Variants in PHLDB2 observed in about 807,000 individuals in gnomAD.
PHLDB2 encodes the protein pleckstrin homology-like domain family B member 2.
Under a neutral mutation model 123.6 loss-of-function variants are expected in PHLDB2, and 71 were observed. The ratio of observed to expected loss-of-function variants is 0.57; its 90% CI spans 0.47 to 0.70. PHLDB2 has a LOEUF of 0.70. Ranked by LOEUF, PHLDB2 falls within the 30% of genes least tolerant of loss-of-function variation. PHLDB2 has a pLI of 0.00. For synonymous variants in PHLDB2, 547 were observed against 541.6 expected (o/e 1.01, Z -0.14); for missense variants, 1,446 against 1,519.5 (o/e 0.95, Z 0.80).
At chr3:111,762,636 C>A (rs1423910763) in intron 1 of PHLDB2, among the ~76,000 whole-genome samples, 1 of 152,222 alleles carries the variant, frequency 6.6e-6, no homozygotes, top group Admixed American at 6.5e-5. Flanking sequence ...GGTATTATTT[C>A]TTCAAGCCCT....
In PHLDB2 at chr3:111,823,093, A is replaced by C. The variant is rs1358532668; in HGVS notation, c.-48-22728A>C. Reference sequence around the variant, plus strand: ...CATAGTACCACCAAGGTGATGCTGGAGTACTCAACCAGGACAGCTTCCAAG... The same window carrying C: ...CATAGTACCACCAAGGTGATGCTGGCGTACTCAACCAGGACAGCTTCCAAG... On this transcript the variant is annotated intron_variant, in intron 1 of 17. Coordinates refer to the PHLDB2 transcript ENST00000393923. 3.3e-5 allele frequency among the ~76,000 whole-genome samples: 5 copies of C among 152,352 alleles called. No individual in the cohort carries two copies. In the East Asian group the frequency reaches 9.7e-4, roughly 29 times the overall value.
At chr3:111,918,125 C>G (rs975972034) in intron 3 of PHLDB2, among the ~76,000 whole-genome samples, 1 of 152,140 alleles carries the variant, frequency 6.6e-6, no homozygotes, top group Admixed American at 6.5e-5. Flanking sequence ...ACCAGAAATT[C>G]TAGAAAGAAG....
chr3:111,888,591 G>C (rs1419263668), intron 2 of PHLDB2, among the ~76,000 whole-genome samples: 1 of 152,156 alleles, frequency 6.6e-6, no homozygotes, highest in Non-Finnish European at 1.5e-5. Context: ...AGCTCAGGAA[G>C]TTACACTTGT....
chr3:111,883,069 T>A (rs1282450831), intron 1 of PHLDB2, among the ~76,000 whole-genome samples: 1 of 152,340 alleles, frequency 6.6e-6, no homozygotes, highest in East Asian at 1.9e-4. Context: ...TAGTGGTTCA[T>A]GAGTTCAGTG....
Position 111,821,052 on chromosome 3 carries a change from T to C in PHLDB2, c.-48-24769T>C, listed in dbSNP as rs540174972. On this transcript the variant is annotated intron_variant, in intron 1 of 17. Coordinates refer to the PHLDB2 transcript ENST00000393923. ...CTGAAGTTCTCCTCTCCTGGAGACTTCAGGAAAAGTCTCCTTTTAGGTCTT... is the reference window on the plus strand; with the variant it reads ...CTGAAGTTCTCCTCTCCTGGAGACTCCAGGAAAAGTCTCCTTTTAGGTCTT... Among the ~76,000 whole-genome samples the C allele has an allele frequency of 2.0e-5, 3 of 152,302 alleles. No homozygotes were observed. The East Asian group carries it at 5.8e-4, about 29-fold the overall frequency.
chr3:111,951,149 T>A (rs2070689754), intron 10 of PHLDB2, among the ~76,000 whole-genome samples: 1 of 152,210 alleles, frequency 6.6e-6, no homozygotes, highest in South Asian at 2.1e-4. Flanking sequence ...CATTTTACTA[T>A]CTACAAGGAG....
chr3:111,849,747 TATCAACTA>T (rs2064167255), intron 2 of PHLDB2, among the ~76,000 whole-genome samples: 1 of 152,184 alleles, frequency 6.6e-6, no homozygotes, highest in Non-Finnish European at 1.5e-5. Flanking sequence ...CCTAAGTGCC[TATCAACTA>T]ATGAGTGAAT....
intron 2 of PHLDB2, among the ~76,000 whole-genome samples, chr3:111,849,368 G>C (rs1353768036): frequency 6.6e-6 from 1 of 152,016 alleles, no homozygotes; most frequent in Non-Finnish European, 1.5e-5. Context: ...AAGGGGTTTT[G>C]CTATGTTGTC....
intron 15 of PHLDB2, among the ~76,000 whole-genome samples, chr3:111,968,710 A>G (rs1559928267): frequency 6.6e-6 from 1 of 152,224 alleles, no homozygotes; most frequent in Non-Finnish European, 1.5e-5. Context: ...CATCTGTTAC[A>G]ACCAAAGTAC....
chr3:111,940,006 A>G (rs754349959), intron 7 of PHLDB2, among the ~76,000 whole-genome samples: 12 of 152,154 alleles, frequency 7.9e-5, no homozygotes, highest in Non-Finnish European at 1.8e-4. Context: ...ACTGGCTGAT[A>G]GCTTATTACC....
At chr3:111,826,132 T>A (rs2062642766) in intron 1 of PHLDB2, among the ~76,000 whole-genome samples, 1 of 151,792 alleles carries the variant, frequency 6.6e-6, no homozygotes, top group Admixed American at 6.6e-5. Context: ...TGAAACCCCA[T>A]CTCTACTAAA....
upstream of PHLDB2, chr3:111,859,056 T>TA: frequency 4.8e-6 from 2 of 415,064 alleles, no homozygotes; most frequent in Non-Finnish European, 6.5e-6. Flanking sequence ...ACCCCAGTCC[T>TA]TAGCTCAGGC....
intron 1 of PHLDB2, among the ~76,000 whole-genome samples, chr3:111,860,469 G>T (rs1576917650): frequency 6.6e-6 from 1 of 152,206 alleles, no homozygotes; most frequent in Admixed American, 6.5e-5. Context: ...CGGCGGAGGC[G>T]CAGCTGAATC....
At chr3:111,963,586 G>A (rs984264940) in intron 13 of PHLDB2, among the ~76,000 whole-genome samples, 1 of 152,082 alleles carries the variant, frequency 6.6e-6, no homozygotes, top group Non-Finnish European at 1.5e-5. Context: ...TAACTTTCTG[G>A]TAGTCATAAA....
At chr3:111,802,287 A>C (rs2061407602) in intron 1 of PHLDB2, among the ~76,000 whole-genome samples, 1 of 152,240 alleles carries the variant, frequency 6.6e-6, no homozygotes, top group Admixed American at 6.5e-5. Context: ...TGGTGGCTGC[A>C]TTCTGCCTCC....
intron 1 of PHLDB2, among the ~76,000 whole-genome samples, chr3:111,824,193 C>T (rs1457953757): frequency 6.6e-6 from 1 of 152,180 alleles, no homozygotes; most frequent in Non-Finnish European, 1.5e-5. Context: ...TCTCTGTCTT[C>T]TCCCTATAAA....
rs1382927740 is a variant in PHLDB2 at position 111,884,755 on chromosome 3, C to T, written c.678C>T (p.His226=). 6.2e-7 allele frequency: 1 copy of T among 1,613,962 alleles called. No homozygotes were observed. The highest frequency in any genetic ancestry group is 8.5e-7 in the Non-Finnish European group (1 of 1,180,030). The change falls in exon 2 of 18, where the codon CAC becomes CAT. Residue 226 remains histidine (H), a synonymous_variant. Coordinates refer to ENST00000431670, the MANE Select transcript of PHLDB2 (RefSeq NM_001134438.2). Reference sequence around the variant, plus strand: ...CGCTTCAACCCAAGTTAACTAGACACAAGGAGCTTGCATCTGAAAACATCA... The same window carrying T: ...CGCTTCAACCCAAGTTAACTAGACATAAGGAGCTTGCATCTGAAAACATCA... ...SLALQPKLTR[H]KELASENINL...
chr3:111,900,602 C>T (rs534500758), intron 2 of PHLDB2, among the ~76,000 whole-genome samples: 26 of 152,090 alleles, frequency 1.7e-4, no homozygotes, highest in African/African-American at 4.3e-4. Context: ...AAAACTATTA[C>T]AATAGTAATG....
intron 1 of PHLDB2, among the ~76,000 whole-genome samples, chr3:111,813,506 C>T (rs1413548110): frequency 1.3e-5 from 2 of 152,038 alleles, no homozygotes; most frequent in Admixed American, 6.6e-5. Context: ...GACAAATTTT[C>T]CCTCCTATCA....
Sources: gnomAD v4.1 joint callset for allele counts (sites outside exome capture counted in the v4.1 genomes callset) on GRCh38, gnomAD v4.1.1 for gene constraint, MANE v1.5 for transcripts, NCBI Gene and HGNC (gene_info 2026-07-23, HGNC 2026-07-21) for gene names.